The following CUBN variants were observed in gnomAD, a reference collection of about 807,000 sequenced individuals.
CUBN encodes cubilin.
In CUBN, 282 loss-of-function variants were observed where a neutral mutation model predicts 405.3. That is an observed-to-expected ratio of 0.70 (90% CI 0.63 to 0.77). CUBN has a LOEUF of 0.77. Among genes scored for constraint, CUBN ranks in the 30% least tolerant of loss-of-function variants. The pLI is 0.00. For missense variants in CUBN, 4,514 were observed against 4,475.2 expected (o/e 1.01, Z -0.25); for synonymous variants, 1,684 against 1,617.0 (o/e 1.04, Z -0.99).
chr10:16,986,045 C>T (rs562704101), intron 29 of CUBN, among the ~76,000 whole-genome samples: 6 of 152,116 alleles, frequency 3.9e-5, no homozygotes, highest in South Asian at 2.1e-4. Context: ...GGGAGGGTGG[C>T]GAAGGCAGGA....
intron 45 of CUBN, among the ~76,000 whole-genome samples, chr10:16,918,142 T>C (rs1159014867): frequency 6.6e-6 from 1 of 152,162 alleles, no homozygotes; most frequent in African/African-American, 2.4e-5. Flanking sequence ...CTCCATTCTA[T>C]TGGTCTATGT....
chr10:16,950,054 G>A lies in CUBN; in HGVS notation c.5027C>T (p.Ala1676Val), dbSNP rs756006987. 4 of 1,614,060 alleles carry A rather than the reference G, an allele frequency of 2.5e-6. No homozygotes were observed. Residue 1676 changes from alanine (A) to valine (V), a missense_variant, in exon 34 of 67, where the codon GCA (alanine) becomes GTA (valine). Physicochemically the swap from Ala to Val is moderately conservative, Grantham distance 64 (BLOSUM62 0). Transcript: ENST00000377833. ...ATCCAAAATTTCTACAAAGTCACGT[G>A]CACACGTTGTGCTTCTTTCAAGTTC... ...HFELERSTTC[A>V]RDFVEILDGG...
chr10:16,905,326 CAG>C (rs1434028606), intron 50 of CUBN, among the ~76,000 whole-genome samples: 2 of 152,158 alleles, frequency 1.3e-5, no homozygotes, highest in African/African-American at 4.8e-5. Context: ...TCTTTGAATA[CAG>C]AGTTTTAAAA....
intron 55 of CUBN, among the ~76,000 whole-genome samples, chr10:16,888,849 A>T (rs1234724659): frequency 1.1e-4 from 17 of 152,244 alleles, no homozygotes; most frequent in Non-Finnish European, 4.4e-5. Flanking sequence ...TTAAGATATT[A>T]AGAAAGGATA....
At chr10:16,909,118 C>T (rs1022431739) in intron 48 of CUBN, among the ~76,000 whole-genome samples, 3 of 151,704 alleles carry the variant, frequency 2.0e-5, no homozygotes, top group African/African-American at 7.3e-5. Context: ...ATCTCCTGAC[C>T]TCATGATCCA....
chr10:16,954,651 G>A (rs1564445446), intron 31 of CUBN, 103 bp from the exon 32 acceptor site: 7 of 1,260,810 alleles, frequency 5.6e-6, no homozygotes, highest in East Asian at 5.0e-5. Flanking sequence ...ATAATCACAC[G>A]TTTGCTGGAT....
At chr10:17,074,368 G>A (rs1259801368) in intron 17 of CUBN, among the ~76,000 whole-genome samples, 1 of 152,074 alleles carries the variant, frequency 6.6e-6, no homozygotes, top group Admixed American at 6.6e-5. Context: ...GGGCATTACT[G>A]GCATTTAGTA....
chr10:17,078,229 G>A (rs561291048), intron 17 of CUBN, among the ~76,000 whole-genome samples: 1 of 152,186 alleles, frequency 6.6e-6, no homozygotes, highest in East Asian at 1.9e-4. Context: ...ACCCTTCAGG[G>A]TCTAGCTCCT....
At chr10:16,987,538 C>T (rs527681316) in intron 29 of CUBN, among the ~76,000 whole-genome samples, 12 of 152,248 alleles carry the variant, frequency 7.9e-5, no homozygotes, top group East Asian at 1.9e-4. Context: ...GGCCACTTTC[C>T]GGACTCTGAT....
chr10:16,908,256 C>G (rs909218214), intron 48 of CUBN, among the ~76,000 whole-genome samples: 6 of 152,042 alleles, frequency 3.9e-5, no homozygotes, highest in African/African-American at 1.4e-4. Flanking sequence ...AGCAGTTCTC[C>G]TGCCTCAGCC....
In CUBN at chr10:17,100,258, C is replaced by T. The variant is rs1308091673; in HGVS notation, c.1531-19G>A. The T allele has an allele frequency of 1.2e-5, 17 of 1,469,672 alleles. No homozygotes were observed. Among genetic ancestry groups the T allele is most frequent in the East Asian group, 2.3e-5 (1 of 44,192 alleles). The allele number at this position is 1,469,672 out of a possible 1,614,324, so 91.0% of individuals were successfully genotyped here. On this transcript the variant is annotated intron_variant, in intron 13 of 66. Transcript: ENST00000377833. ...GCAGGACCTAAAAATACAAAGGCCA[C>T]ATATATTATCTTTTACTTCCATGTA...
chr10:17,112,299 C>T lies in CUBN; in HGVS notation c.884-1249G>A, dbSNP rs144004746. 4.0e-5 allele frequency among the ~76,000 whole-genome samples: 6 copies of T among 151,894 alleles called. No individual in the cohort carries two copies. In the East Asian group the frequency reaches 1.2e-3, roughly 29 times the overall value. ...AAAAAAAGTTGGAAGAAAAAAACGC[C>T]CAAATGTTCATCATGGTCCTCTGTG... On this transcript the variant is annotated intron_variant, in intron 8 of 66. Transcript: ENST00000377833.
At chr10:16,953,785 A>C (rs1032535643) in intron 32 of CUBN, among the ~76,000 whole-genome samples, 16 of 151,782 alleles carry the variant, frequency 1.1e-4, no homozygotes, top group Non-Finnish European at 2.9e-5. Flanking sequence ...TGGGAGGTCG[A>C]GGCTTCAGTG....
intron 47 of CUBN, 90 bp downstream of exon 47, chr10:16,914,942 T>A: frequency 8.3e-7 from 1 of 1,200,530 alleles, no homozygotes; most frequent in Non-Finnish European, 1.2e-6. Flanking sequence ...TGTTTTGTTT[T>A]GTTTTTCAAA....
chr10:16,925,404 G>T lies in CUBN; in HGVS notation c.6483C>A (p.Ile2161=). Residue 2161 remains isoleucine, a synonymous_variant, in exon 43 of 67, where the codon ATC becomes ATA. Coordinates refer to ENST00000377833, the MANE Select transcript of CUBN (RefSeq NM_001081.4). ...CAGGGGGTCCCAAGGGTGGAGAACA[G>T]ATATCAGGACCATTTCTTAGCTGGA... is the stretch of plus-strand genomic sequence containing the variant. ...DYLVLRNGPD[I]CSPPLGPPGG... 1 of 1,613,878 alleles carries T rather than the reference G, an allele frequency of 6.2e-7. No homozygotes were observed. The highest frequency in any genetic ancestry group is 8.5e-7 in the Non-Finnish European group (1 of 1,179,838).
chr10:17,050,625 G>A (rs181855194), intron 22 of CUBN, among the ~76,000 whole-genome samples: 88 of 152,210 alleles, frequency 5.8e-4, no homozygotes, highest in Non-Finnish European at 9.9e-4. Flanking sequence ...GGCTGGAAGC[G>A]GAAACAAGAT....
At chr10:17,075,169 C>T (rs1835831120) in intron 17 of CUBN, among the ~76,000 whole-genome samples, 1 of 148,710 alleles carries the variant, frequency 6.7e-6, no homozygotes, top group South Asian at 2.1e-4. Flanking sequence ...CTGCAACCTC[C>T]GCCTCCCAGA....
intron 54 of CUBN, among the ~76,000 whole-genome samples, chr10:16,890,805 C>G (rs561432514): frequency 6.6e-6 from 1 of 152,094 alleles, no homozygotes; most frequent in Non-Finnish European, 1.5e-5. Flanking sequence ...GATCACTGTT[C>G]GGTTTCCTCA....
In CUBN at chr10:16,962,514, C is replaced by G. The variant is rs553589408; in HGVS notation, c.4696-7966G>C. On this transcript the variant is annotated intron_variant, in intron 31 of 66. Coordinates refer to ENST00000377833, the MANE Select transcript of CUBN (RefSeq NM_001081.4). ...TGAGCCCCACGTCCTGGTATTCATG[C>G]CTCTGTGTAATCTCCTCCCTGGCGT... Among the ~76,000 whole-genome samples the G allele has an allele frequency of 2.0e-5, 3 of 152,230 alleles. No homozygotes were observed. The East Asian group carries it at 5.8e-4, about 29-fold the overall frequency.
Sources: gnomAD v4.1 joint callset for allele counts (sites outside exome capture counted in the v4.1 genomes callset) on GRCh38, gnomAD v4.1.1 for gene constraint, MANE v1.5 for transcripts, NCBI Gene and HGNC (gene_info 2026-07-23, HGNC 2026-07-21) for gene names.